PXK: variants seen among roughly 807,000 people sequenced by gnomAD.
PXK encodes PX domain-containing protein kinase-like protein.
PXK carries 35 observed loss-of-function variants against 84.7 expected under a neutral mutation model. That is an observed-to-expected ratio of 0.41 (90% CI 0.32 to 0.55). PXK has a LOEUF of 0.55. Ranked by LOEUF, PXK falls within the 20% of genes least tolerant of loss-of-function variation. The pLI is 0.21. For missense variants in PXK, 634 were observed against 699.7 expected (o/e 0.91, Z 1.06); for synonymous variants, 253 against 260.8 (o/e 0.97, Z 0.29).
chr3:58,382,176 C>T (rs1373447177), intron 3 of PXK, among the ~76,000 whole-genome samples: 3 of 151,860 alleles, frequency 2.0e-5, no homozygotes, highest in Non-Finnish European at 4.4e-5. Context: ...ATTAGCTGGG[C>T]GTGATGTCAC....
chr3:58,347,223 C>T (rs1179564124), intron 1 of PXK, among the ~76,000 whole-genome samples: 1 of 152,084 alleles, frequency 6.6e-6, no homozygotes, highest in Non-Finnish European at 1.5e-5. Context: ...TTAGATAATT[C>T]TTTCTCTCTC....
chr3:58,422,142 A>G, intron 17 of PXK: 1 of 985,358 alleles, frequency 1.0e-6, no homozygotes. Flanking sequence ...CCTTTCAGGA[A>G]GCTTGTGGAC....
intron 8 of PXK, 36 bp downstream of exon 8, chr3:58,395,138 A>G: frequency 6.9e-7 from 1 of 1,459,764 alleles, no homozygotes; most frequent in Non-Finnish European, 9.6e-7. Context: ...AGGAATTCTC[A>G]AGTTCCTTTA....
At chr3:58,347,353 C>T (rs778673880) in intron 1 of PXK, among the ~76,000 whole-genome samples, 10 of 152,176 alleles carry the variant, frequency 6.6e-5, no homozygotes, top group Non-Finnish European at 8.8e-5. Context: ...CCACTTTCAT[C>T]GCTCCAGTTG....
rs2097522276 is a variant in PXK, at chr3:58,333,015, CG to C, written c.29del (p.Gly10AlafsTer11). On this transcript the variant is annotated frameshift_variant, in exon 1 of 18. Transcript: ENST00000356151. LOFTEE classifies it high-confidence loss of function. This position sits in a 1 kb window ranked among gnomAD's most constrained non-coding sequence, Gnocchi z 5.4. MAFMEKPPA[G>X]KVLLDDTVPL... ...TGGCCTTCATGGAGAAGCCGCCAGC[CG>C]GCAAGGTGCTGCTGGACGACACGGT... 1.5e-6 allele frequency: 2 copies of C among 1,369,288 alleles called. No homozygotes were observed. Among genetic ancestry groups the C allele is most frequent in the Non-Finnish European group, 9.5e-7 (1 of 1,048,432 alleles). The allele number at this position is 1,369,288 out of a possible 1,614,324, so 84.8% of individuals were successfully genotyped here. A position where few individuals can be genotyped will look rare whatever the true frequency, so the allele number is the denominator to read the frequency against.
At chr3:58,374,315 C>T (rs964133140) in intron 3 of PXK, among the ~76,000 whole-genome samples, 2 of 151,732 alleles carry the variant, frequency 1.3e-5, no homozygotes, top group African/African-American at 4.8e-5. Flanking sequence ...GAATTACATG[C>T]CCCCACCATC....
chr3:58,414,400 T>C lies in PXK; in HGVS notation c.1528+1437T>C, dbSNP rs1287565023. 1.3e-5 allele frequency: 2 copies of C among 152,236 alleles called. No homozygotes were observed. 9.4% of individuals were successfully genotyped at this position (152,236 alleles called of 1,614,324 possible). A position where few individuals can be genotyped will look rare whatever the true frequency, so the allele number is the denominator to read the frequency against. The stretch of plus-strand genomic sequence containing the variant: ...TGCCGGTTCTTATCTCTAAATGCCT[T>C]TGGGAATTTACAATTTATTTGGACT... On this transcript the variant is annotated intron_variant, in intron 17 of 17. Coordinates refer to ENST00000356151, the MANE Select transcript of PXK (RefSeq NM_017771.5). This position sits in a 1 kb window ranked among gnomAD's most constrained non-coding sequence, Gnocchi z 4.5.
intron 7 of PXK, among the ~76,000 whole-genome samples, chr3:58,394,559 G>A (rs1176842491): frequency 6.6e-6 from 1 of 152,182 alleles, no homozygotes; most frequent in Non-Finnish European, 1.5e-5. Context: ...AGGCAAAGCT[G>A]TGAGCAAAGA....
At position 58,397,027 on chromosome 3, in the gene PXK, A is replaced by G; in HGVS notation, c.823-12A>G. 1.9e-6 allele frequency: 3 copies of G among 1,595,588 alleles called. No homozygotes were observed. In the East Asian group the frequency reaches 6.7e-5, roughly 36 times the overall value. Reference sequence around the variant, plus strand: ...TTTGGGGAAAATGTAACTTTCCCATATGTTTTGATAGGTACTGAAGTTTCT... The same window carrying G: ...TTTGGGGAAAATGTAACTTTCCCATGTGTTTTGATAGGTACTGAAGTTTCT... On this transcript the variant is annotated splice_polypyrimidine_tract_variant and intron_variant, in intron 9 of 17. Coordinates refer to ENST00000356151, the MANE Select transcript of PXK (RefSeq NM_017771.5). The surrounding 1 kb of genome is among the most constrained non-coding windows in gnomAD (Gnocchi z 4.7).
intron 17 of PXK, among the ~76,000 whole-genome samples, chr3:58,418,777 G>A (rs1181602323): frequency 1.3e-5 from 2 of 152,216 alleles, no homozygotes. Flanking sequence ...TTTGAGGTGA[G>A]AGAGCTGGCA....
chr3:58,335,018 GGTGT>G (rs375780661), intron 1 of PXK, among the ~76,000 whole-genome samples: 1,923 of 106,470 alleles, frequency 0.018, 31 homozygotes, highest in African/African-American at 0.035. Context: ...TGTCCAGGCT[GGTGT>G]GTGTGTGTGT....
At chr3:58,336,027 A>G (rs1420564259) in intron 1 of PXK, among the ~76,000 whole-genome samples, 2 of 124,520 alleles carry the variant, frequency 1.6e-5, no homozygotes, top group Non-Finnish European at 3.3e-5. Flanking sequence ...AGTTTGTTTA[A>G]CCTTGGGAAA....
chr3:58,402,182 T>C (rs1223538153), intron 12 of PXK, among the ~76,000 whole-genome samples: 1 of 152,090 alleles, frequency 6.6e-6, no homozygotes. Flanking sequence ...GAGTTGTTCA[T>C]GCTATTGCTT....
Position 58,333,370 on chromosome 3 carries a change from TGG to T in PXK, c.102+285_102+286del. On this transcript the variant is annotated intron_variant, in intron 1 of 17. Transcript: ENST00000356151. This position sits in a 1 kb window ranked among gnomAD's most constrained non-coding sequence, Gnocchi z 5.4. The stretch of plus-strand genomic sequence containing the variant: ...GGCGACCAGGAAAGCGACTCCGAGT[TGG>T]GGGGCGGGGGCGGGGGCTGCGGGAT... The T allele has an allele frequency of 3.5e-6, 1 of 281,758 alleles. No homozygotes were observed. The highest frequency in any genetic ancestry group is 7.2e-6 in the Non-Finnish European group (1 of 139,808). The allele number at this position is 281,758 out of a possible 1,614,324, so 17.5% of individuals were successfully genotyped here.
chr3:58,374,043 CAAA>C (rs771908415), intron 3 of PXK, among the ~76,000 whole-genome samples: 7 of 87,698 alleles, frequency 8.0e-5, no homozygotes, highest in African/African-American at 1.4e-4. Flanking sequence ...GACTCCGTCT[CAAA>C]AAAAAAAAAA....
Position 58,409,262 on chromosome 3 carries a change from G to A in PXK, c.1308+261G>A, listed in dbSNP as rs1576695877. 6.6e-6 allele frequency among the ~76,000 whole-genome samples: 1 copy of A among 152,294 alleles called. No homozygotes were observed. The highest frequency in any genetic ancestry group is 2.1e-4 in the South Asian group (1 of 4,828). ...CAGAGCATGCCGGCCGGTGATAGTT[G>A]CGGGCATGCATGGTCCATGCTGTCT... is the stretch of plus-strand genomic sequence containing the variant. On this transcript the variant is annotated intron_variant, in intron 14 of 17. Coordinates refer to ENST00000356151, the MANE Select transcript of PXK (RefSeq NM_017771.5). This position sits in a 1 kb window ranked among gnomAD's most constrained non-coding sequence, Gnocchi z 4.2.
Position 58,408,945 on chromosome 3 carries a change from G to A in PXK, c.1252G>A (p.Ala418Thr), listed in dbSNP as rs377175272. 2.6e-5 allele frequency: 41 copies of A among 1,585,384 alleles called. No homozygotes were observed. In the African/African-American group the frequency reaches 3.6e-4, roughly 14 times the overall value. ...QFKIPTKLKE[A>T]LRIAKECIEK... ...TCAGATCCCTACAAAGTTAAAAGAG[G>A]CATTGAGAATTGCCAAAGAATGTAT... The change falls in exon 14 of 18, where the codon GCA (alanine) becomes ACA (threonine). Residue 418 changes from alanine to threonine, a missense_variant. This residue lies in a region of PXK where 273 missense variants were observed against 283.6 expected (regional missense o/e 0.96). Transcript: ENST00000356151.
chr3:58,338,636 C>T lies in PXK; in HGVS notation c.102+5546C>T. ...AGACTCCGTCTTAAAAAAAAAAATT[C>T]TTTTAAAGATGTTTGCATACTGTGT... On this transcript the variant is annotated intron_variant, in intron 1 of 17. Transcript: ENST00000356151. Among the ~76,000 whole-genome samples the T allele has an allele frequency of 1.3e-5, 2 of 151,460 alleles. 1 individual carries two copies. The highest frequency in any genetic ancestry group is 4.2e-4 in the South Asian group (2 of 4,768).
At chr3:58,413,229 C>T (rs2060470003) in intron 17 of PXK, 2 of 529,612 alleles carry the variant, frequency 3.8e-6, no homozygotes, top group East Asian at 6.7e-5. Flanking sequence ...TGAAAAGCTT[C>T]ATGCAGAGCT....
Sources: gnomAD v4.1 joint callset for allele counts (sites outside exome capture counted in the v4.1 genomes callset) on GRCh38, gnomAD v4.1.1 for gene constraint, gnomAD v4.1.1 regional missense constraint, Gnocchi (gnomAD v3.1) non-coding constraint, MANE v1.5 for transcripts, NCBI Gene and HGNC (gene_info 2026-07-23, HGNC 2026-07-21) for gene names.